The following CORIN variants were observed in gnomAD, a reference collection of about 807,000 sequenced individuals.
The protein encoded by CORIN is atrial natriuretic peptide-converting enzyme.
CORIN carries 117 observed loss-of-function variants against 125.3 expected under a neutral mutation model. The ratio of observed to expected loss-of-function variants is 0.93; its 90% CI spans 0.80 to 1.09. CORIN has a LOEUF of 1.09. Among genes scored for constraint, CORIN ranks in the 50% least tolerant of loss-of-function variants. The pLI, the probability that CORIN is intolerant of heterozygous loss-of-function variation, is 0.00. For missense variants in CORIN, 1,253 were observed against 1,306.7 expected (o/e 0.96, Z 0.63); for synonymous variants, 450 against 466.4 (o/e 0.96, Z 0.45).
chr4:47,763,803 A>G (rs1729583697), intron 3 of CORIN, among the ~76,000 whole-genome samples: 1 of 151,910 alleles, frequency 6.6e-6, no homozygotes, highest in Non-Finnish European at 1.5e-5. Flanking sequence ...GTCCTGGGAA[A>G]ATGTGTGGAA....
intron 4 of CORIN, among the ~76,000 whole-genome samples, chr4:47,750,165 A>G (rs1728836330): frequency 6.6e-6 from 1 of 152,222 alleles, no homozygotes; most frequent in Non-Finnish European, 1.5e-5. Flanking sequence ...TTCCTATGTC[A>G]GCATCTTCTG....
At chr4:47,633,483 T>C (rs1722917303) in intron 16 of CORIN, among the ~76,000 whole-genome samples, 1 of 152,202 alleles carries the variant, frequency 6.6e-6, no homozygotes. Context: ...TGAACATATA[T>C]AAAATTCAGT....
At chr4:47,674,983 T>C (rs1226190998) in intron 9 of CORIN, among the ~76,000 whole-genome samples, 1 of 152,222 alleles carries the variant, frequency 6.6e-6, no homozygotes, top group Non-Finnish European at 1.5e-5. Context: ...ACAATAAGGA[T>C]ACTTTACCAT....
intron 5 of CORIN, among the ~76,000 whole-genome samples, chr4:47,735,469 G>A (rs982263948): frequency 3.9e-5 from 6 of 152,092 alleles, no homozygotes; most frequent in East Asian, 1.9e-4. Context: ...GGAAATTTCT[G>A]TTCTATTTAA....
chr4:47,640,513 G>A (rs1723194856), intron 16 of CORIN, among the ~76,000 whole-genome samples: 1 of 152,198 alleles, frequency 6.6e-6, no homozygotes, highest in African/African-American at 2.4e-5. Flanking sequence ...ACTGCCTAGT[G>A]AGTACACAGT....
In CORIN at chr4:47,786,897, T is replaced by C. The variant is rs751646298; in HGVS notation, c.237A>G (p.Ser79=). ...CAGTGACCAAAGGTTCACTCCCATTTGATTTAAAATAGACCTTTTGTAATG... is the reference window on the plus strand; with the variant it reads ...CAGTGACCAAAGGTTCACTCCCATTCGATTTAAAATAGACCTTTTGTAATG... ...VGTLQKVYFK[S]NGSEPLVTDG... is the part of the protein sequence containing the mutation. The change falls in exon 3 of 22, where the codon TCA becomes TCG. Residue 79 remains serine (S), a synonymous_variant. Coordinates refer to ENST00000273857, the MANE Select transcript of CORIN (RefSeq NM_006587.4). The C allele has an allele frequency of 6.2e-7, 1 of 1,613,396 alleles. No homozygotes were observed.
At chr4:47,833,939 A>G (rs1475655137) in intron 1 of CORIN, among the ~76,000 whole-genome samples, 1 of 152,234 alleles carries the variant, frequency 6.6e-6, no homozygotes, top group Non-Finnish European at 1.5e-5. Flanking sequence ...TCTCTTGTAT[A>G]TGGTTCATGG....
At chr4:47,628,776 T>C (rs1722686858) in intron 16 of CORIN, among the ~76,000 whole-genome samples, 1 of 152,174 alleles carries the variant, frequency 6.6e-6, no homozygotes, top group South Asian at 2.1e-4. Context: ...CCATGTTGTC[T>C]CAAATGGCAG....
intron 16 of CORIN, among the ~76,000 whole-genome samples, chr4:47,630,868 A>G (rs530869318): frequency 6.6e-6 from 1 of 152,140 alleles, no homozygotes; most frequent in South Asian, 2.1e-4. Flanking sequence ...ATGGGACCCA[A>G]AATCTGTCTC....
rs1429444913 is a variant in CORIN, at chr4:47,706,349, C to A, written c.800-13266G>T. The A allele has an allele frequency of 2.6e-6, 4 of 1,559,174 alleles. No homozygotes were observed. The South Asian group carries it at 3.4e-5, about 13-fold the overall frequency. ...TACCAACTTTTGCCTTTCCGTCTGGCGGCAGCCATCAGGTAAGCCAAGATG... is the reference window on the plus strand; with the variant it reads ...TACCAACTTTTGCCTTTCCGTCTGGAGGCAGCCATCAGGTAAGCCAAGATG... On this transcript the variant is annotated intron_variant, in intron 5 of 21. Coordinates refer to ENST00000273857, the MANE Select transcript of CORIN (RefSeq NM_006587.4).
intron 3 of CORIN, among the ~76,000 whole-genome samples, chr4:47,771,267 A>T (rs144190034): frequency 6.6e-6 from 1 of 152,286 alleles, no homozygotes; most frequent in East Asian, 1.9e-4. Flanking sequence ...AATGAAGGTC[A>T]TTCTCTATTC....
At chr4:47,787,192 C>A (rs1474702527) in intron 2 of CORIN, among the ~76,000 whole-genome samples, 1 of 152,172 alleles carries the variant, frequency 6.6e-6, no homozygotes, top group Non-Finnish European at 1.5e-5. Flanking sequence ...GAAACTGGGT[C>A]TCCTATCAAG....
At chr4:47,606,632 T>C (rs895977074) in intron 19 of CORIN, among the ~76,000 whole-genome samples, 5 of 151,700 alleles carry the variant, frequency 3.3e-5, no homozygotes, top group South Asian at 2.1e-4. Context: ...TCCTACCTTC[T>C]TTCCCTCCTT....
intron 2 of CORIN, among the ~76,000 whole-genome samples, chr4:47,796,040 T>C (rs1452088347): frequency 1.3e-5 from 2 of 152,088 alleles, no homozygotes; most frequent in South Asian, 4.1e-4. Flanking sequence ...GCAGCCACTA[T>C]GGAAAACAGA....
intron 3 of CORIN, among the ~76,000 whole-genome samples, chr4:47,768,716 G>C (rs1729880847): frequency 6.6e-6 from 1 of 152,094 alleles, no homozygotes; most frequent in East Asian, 1.9e-4. Flanking sequence ...TAGAATGAAA[G>C]ACAAAAGCCA....
chr4:47,707,531 C>A (rs1726630759), intron 5 of CORIN, among the ~76,000 whole-genome samples: 2 of 152,232 alleles, frequency 1.3e-5, no homozygotes, highest in African/African-American at 2.4e-5. Flanking sequence ...CTCTATCTTG[C>A]AACTAACCAA....
chr4:47,671,040 C>T (rs1421206808), intron 10 of CORIN, among the ~76,000 whole-genome samples: 1 of 152,122 alleles, frequency 6.6e-6, no homozygotes, highest in Admixed American at 6.5e-5. Flanking sequence ...AATACACAAA[C>T]CTTTTCATAT....
At chr4:47,743,930 T>C (rs1040529540) in intron 5 of CORIN, among the ~76,000 whole-genome samples, 12 of 151,478 alleles carry the variant, frequency 7.9e-5, no homozygotes, top group African/African-American at 2.7e-4. Flanking sequence ...ATAGCATCAC[T>C]GTAATAGCTG....
chr4:47,656,152 ATTTTTTT>A (rs199763449), intron 12 of CORIN, among the ~76,000 whole-genome samples: 3 of 133,714 alleles, frequency 2.2e-5, no homozygotes, highest in African/African-American at 8.4e-5. Context: ...ACCATTTAGG[ATTTTTTT>A]TTTTTTTTTT....
Sources: gnomAD v4.1 joint callset for allele counts (sites outside exome capture counted in the v4.1 genomes callset) on GRCh38, gnomAD v4.1.1 for gene constraint, MANE v1.5 for transcripts, NCBI Gene and HGNC (gene_info 2026-07-23, HGNC 2026-07-21) for gene names.